The following PLCE1 variants were observed in gnomAD, a reference collection of about 807,000 sequenced individuals.
PLCE1 encodes the protein 1-phosphatidylinositol 4,5-bisphosphate phosphodiesterase epsilon-1.
Under a neutral mutation model 242.8 loss-of-function variants are expected in PLCE1, and 119 were observed. The ratio of observed to expected loss-of-function variants is 0.49; its 90% CI spans 0.42 to 0.57. The LOEUF (loss-of-function observed/expected upper bound fraction) is 0.57. Ranked by LOEUF, PLCE1 falls within the 20% of genes least tolerant of loss-of-function variation. The pLI, the probability that PLCE1 is intolerant of heterozygous loss-of-function variation, is 0.00. For missense variants in PLCE1, 2,441 were observed against 2,788.8 expected (o/e 0.88, Z 2.81); for synonymous variants, 945 against 1,017.4 (o/e 0.93, Z 1.35).
chr10:94,325,003 T>C lies in PLCE1; in HGVS notation c.6832T>C (p.Ser2278Pro), dbSNP rs570419090. Residue 2278 changes from serine to proline, a missense_variant, in exon 32 of 33, where the codon TCA (serine) becomes CCA (proline). Physicochemically the swap from Ser to Pro is moderately conservative, Grantham distance 74 (BLOSUM62 -1). Around this residue, in one of 5 missense-constraint regions of PLCE1, gnomAD observed 310 missense variants for 317.2 expected, o/e 0.98. Coordinates refer to ENST00000371380, the MANE Select transcript of PLCE1 (RefSeq NM_016341.4). Reference sequence around the variant, plus strand: ...TACATCACCTTCTCAGCTCTTGACCTCAGAAAGTATCCAAACCAAGGAGGA... The same window carrying C: ...TACATCACCTTCTCAGCTCTTGACCCCAGAAAGTATCCAAACCAAGGAGGA... Reference protein sequence around the residue: ...GLTSPSQLLTSESIQTKEEKP... With the variant: ...GLTSPSQLLTPESIQTKEEKP... 6.2e-7 allele frequency: 1 copy of C among 1,614,150 alleles called. No individual in the cohort carries two copies. Among genetic ancestry groups the C allele is most frequent in the Non-Finnish European group, 8.5e-7 (1 of 1,180,016 alleles).
chr10:94,149,919 G>A (rs1187359101), intron 3 of PLCE1, among the ~76,000 whole-genome samples: 3 of 152,130 alleles, frequency 2.0e-5, no homozygotes, highest in African/African-American at 4.8e-5. Flanking sequence ...TCTCAAAGTA[G>A]TATCTTCTTG....
chr10:94,227,487 A>G (rs766051814), intron 5 of PLCE1, 36 bp downstream of exon 5: 14 of 1,583,124 alleles, frequency 8.8e-6, no homozygotes, highest in Non-Finnish European at 1.1e-5. Flanking sequence ...TCTTGGCACA[A>G]TCGCTTCTCA....
chr10:94,230,860 T>G (rs1335573486), intron 5 of PLCE1, among the ~76,000 whole-genome samples: 1 of 152,300 alleles, frequency 6.6e-6, no homozygotes, highest in South Asian at 2.1e-4. Flanking sequence ...CTCCCCTGCC[T>G]CAGCCTCCCA....
intron 4 of PLCE1, among the ~76,000 whole-genome samples, chr10:94,179,823 A>T (rs1264297075): frequency 6.6e-6 from 1 of 151,724 alleles, no homozygotes; most frequent in East Asian, 1.9e-4. Context: ...TCATCTTTAA[A>T]TGGGGCTAAT....
At chr10:94,176,712 G>A (rs2048136929) in intron 4 of PLCE1, among the ~76,000 whole-genome samples, 1 of 152,178 alleles carries the variant, frequency 6.6e-6, no homozygotes, top group South Asian at 2.1e-4. Context: ...AGTTAATCCA[G>A]GACTTCTTAG....
intron 2 of PLCE1, among the ~76,000 whole-genome samples, chr10:94,088,724 G>C (rs995645898): frequency 2.0e-5 from 3 of 152,090 alleles, no homozygotes; most frequent in Non-Finnish European, 4.4e-5. Flanking sequence ...CCTTGATACT[G>C]GGTTCTTTGC....
chr10:94,133,303 C>T (rs1435176155), intron 3 of PLCE1, among the ~76,000 whole-genome samples: 1 of 152,160 alleles, frequency 6.6e-6, no homozygotes, highest in Non-Finnish European at 1.5e-5. Flanking sequence ...AGTGTGGGGT[C>T]CCTTGGCATA....
At chr10:94,148,162 T>C (rs895324882) in intron 3 of PLCE1, among the ~76,000 whole-genome samples, 2 of 152,048 alleles carry the variant, frequency 1.3e-5, no homozygotes, top group Non-Finnish European at 2.9e-5. Flanking sequence ...TTATAATGGG[T>C]TAAAAAGTAA....
chr10:94,217,254 G>A (rs10882407), intron 4 of PLCE1, among the ~76,000 whole-genome samples: 90,072 of 151,414 alleles, frequency 0.59, 27,103 homozygotes, highest in East Asian at 0.92. Context: ...CCTCTCACAA[G>A]CCTACCATTT....
chr10:94,022,409 A>ATG (rs928944524), intron 1 of PLCE1, among the ~76,000 whole-genome samples: 1 of 151,962 alleles, frequency 6.6e-6, no homozygotes, highest in East Asian at 1.9e-4. Flanking sequence ...ATACATATGT[A>ATG]TGTGTGTGTG....
intron 3 of PLCE1, among the ~76,000 whole-genome samples, chr10:94,160,009 G>A (rs961952988): frequency 3.3e-5 from 5 of 151,994 alleles, no homozygotes; most frequent in Admixed American, 6.5e-5. Context: ...TTCTTAATCT[G>A]GTCTATCATT....
At chr10:94,069,954 C>T (rs2044305443) in intron 2 of PLCE1, among the ~76,000 whole-genome samples, 1 of 152,164 alleles carries the variant, frequency 6.6e-6, no homozygotes, top group African/African-American at 2.4e-5. Context: ...ACTCAGAGCT[C>T]AACTGGCAAC....
chr10:94,063,005 C>T (rs371927593), intron 2 of PLCE1, among the ~76,000 whole-genome samples: 110 of 152,272 alleles, frequency 7.2e-4, no homozygotes, highest in African/African-American at 2.4e-3. Flanking sequence ...CTCAACTCTT[C>T]GCTGGTCTCC....
intron 3 of PLCE1, among the ~76,000 whole-genome samples, chr10:94,144,853 T>C (rs1251360275): frequency 6.6e-6 from 1 of 152,212 alleles, no homozygotes; most frequent in East Asian, 1.9e-4. Context: ...CACTGTGAGC[T>C]GGGCACTGTG....
intron 2 of PLCE1, among the ~76,000 whole-genome samples, chr10:94,055,648 G>C (rs746737871): frequency 1.3e-5 from 2 of 152,044 alleles, no homozygotes; most frequent in South Asian, 2.1e-4. Context: ...TACTTCCTAG[G>C]TGTAAGTCCC....
At chr10:94,185,513 T>C (rs2048447852) in intron 4 of PLCE1, among the ~76,000 whole-genome samples, 1 of 152,086 alleles carries the variant, frequency 6.6e-6, no homozygotes, top group Non-Finnish European at 1.5e-5. Flanking sequence ...AAAAAAAATG[T>C]CTGGGCATGA....
intron 4 of PLCE1, among the ~76,000 whole-genome samples, chr10:94,181,163 C>T (rs893938087): frequency 1.1e-4 from 16 of 152,142 alleles, no homozygotes; most frequent in Admixed American, 2.0e-4. Flanking sequence ...CACTGATCAG[C>T]GGAATGAAGA....
chr10:94,315,276 G>A (rs1012020506), intron 28 of PLCE1: 15 of 387,126 alleles, frequency 3.9e-5, no homozygotes, highest in Admixed American at 3.1e-4. Flanking sequence ...TTTTCCTCCT[G>A]GTGAGATGTG....
intron 2 of PLCE1, chr10:94,099,610 A>G (rs2045445405): frequency 6.6e-6 from 1 of 152,250 alleles, no homozygotes. Context: ...GGAAATTAAG[A>G]CAAAACCTAC....
Sources: allele counts gnomAD v4.1 joint callset (sites outside exome capture counted in the v4.1 genomes callset), GRCh38; gene constraint gnomAD v4.1.1; regional missense constraint gnomAD v4.1.1; transcripts MANE v1.5; gene names NCBI Gene and HGNC (gene_info 2026-07-23, HGNC 2026-07-21).